ANO3: variants seen among roughly 807,000 people sequenced by gnomAD.
The protein encoded by ANO3 is anoctamin 3.
Under a neutral mutation model 144.8 loss-of-function variants are expected in ANO3, and 99 were observed. That is an observed-to-expected ratio of 0.68 (90% confidence interval 0.58 to 0.81). The LOEUF is 0.81. Among genes scored for constraint, ANO3 ranks in the 30% least tolerant of loss-of-function variants. ANO3 has a pLI of 0.00. For missense variants in ANO3, 905 were observed against 1,202.2 expected, an observed-to-expected ratio of 0.75 and a Z score of 3.66; for synonymous variants, 414 against 392.6, an observed-to-expected ratio of 1.05 and a Z score of -0.64.
At chr11:26,433,952 G>A (rs570530957) in intron 1 of ANO3, among the ~76,000 whole-genome samples, 1 of 152,212 alleles carries the variant, frequency 6.6e-6, no homozygotes, top group East Asian at 1.9e-4. Flanking sequence ...TCAATTTTTT[G>A]ATAGTTTCAG....
intron 1 of ANO3, among the ~76,000 whole-genome samples, chr11:26,332,819 C>T (rs1258020515): frequency 6.6e-6 from 1 of 152,098 alleles, no homozygotes; most frequent in African/African-American, 2.4e-5. Flanking sequence ...CTGTCACTTC[C>T]TTGGGAAAAT....
At chr11:26,325,924 A>T (rs1402472091) in intron 1 of ANO3, among the ~76,000 whole-genome samples, 1 of 152,166 alleles carries the variant, frequency 6.6e-6, no homozygotes, top group Admixed American at 6.5e-5. Context: ...CCTAGATCCA[A>T]GGAGGCAAAC....
rs373560761 is a variant in ANO3 at position 26,525,720 on chromosome 11, G to A, written c.737+41G>A. 1.3e-4 allele frequency: 201 copies of A among 1,521,662 alleles called. 1 individual carries two copies. The highest frequency in any genetic ancestry group is 5.1e-4 in the Middle Eastern group (3 of 5,850). The allele number at this position is 1,521,662 out of a possible 1,614,324, so 94.3% of individuals were successfully genotyped here. ...ATCATTTCTTTATAACAAATTTGTC[G>A]TTTTGAAAAAAATAAGAAGATATTT... On this transcript the variant is annotated intron_variant, in intron 7 of 26. Transcript: ENST00000256737.
Position 26,659,887 on chromosome 11 carries a change from T to C in ANO3, c.2764-375T>C, listed in dbSNP as rs998603085. On this transcript the variant is annotated intron_variant, in intron 26 of 26. Transcript: ENST00000256737. ...TCTATGTGGTTTACATGATATGTGTTATGATCTATTGGACATGGGTTCTCC... is the reference window on the plus strand; with the variant it reads ...TCTATGTGGTTTACATGATATGTGTCATGATCTATTGGACATGGGTTCTCC... Among the ~76,000 whole-genome samples the C allele has an allele frequency of 4.6e-5, 7 of 152,166 alleles. No individual in the cohort carries two copies. In the East Asian group the frequency reaches 1.3e-3, roughly 29 times the overall value.
chr11:26,226,604 C>A (rs79393495), intron 1 of ANO3, among the ~76,000 whole-genome samples: 2,957 of 152,148 alleles, frequency 0.019, 55 homozygotes, highest in South Asian at 0.042. Context: ...CTTAATACTG[C>A]ATCATGGGCA....
chr11:26,622,981 C>T (rs1370413267), intron 17 of ANO3, among the ~76,000 whole-genome samples: 2 of 152,038 alleles, frequency 1.3e-5, no homozygotes, highest in Non-Finnish European at 2.9e-5. Context: ...CCTTGGAGAC[C>T]CTGCTATGAT....
intron 1 of ANO3, among the ~76,000 whole-genome samples, chr11:26,419,656 A>G (rs1280787371): frequency 1.3e-5 from 2 of 152,098 alleles, no homozygotes; most frequent in Non-Finnish European, 2.9e-5. Context: ...TATAAACTGG[A>G]GAGGCCATAT....
chr11:26,432,250 G>A (rs1002165271), intron 1 of ANO3, among the ~76,000 whole-genome samples: 2 of 152,010 alleles, frequency 1.3e-5, no homozygotes, highest in Non-Finnish European at 2.9e-5. Flanking sequence ...AGTTTTTAAT[G>A]GGGGTATTTG....
intron 1 of ANO3, among the ~76,000 whole-genome samples, chr11:26,426,318 T>C (rs915490396): frequency 6.6e-6 from 1 of 152,082 alleles, no homozygotes; most frequent in South Asian, 2.1e-4. Flanking sequence ...GTATCTGGAG[T>C]TGGCCAAGGC....
intron 12 of ANO3, among the ~76,000 whole-genome samples, chr11:26,549,185 G>C (rs1288848581): frequency 6.6e-6 from 1 of 151,892 alleles, no homozygotes; most frequent in African/African-American, 2.4e-5. Flanking sequence ...CTTTTTGTAT[G>C]AGATAATTAT....
chr11:26,233,216 C>CAA (rs56234101), intron 1 of ANO3, among the ~76,000 whole-genome samples: 42,708 of 118,010 alleles, frequency 0.36, 7,387 homozygotes, highest in Non-Finnish European at 0.43. Context: ...GACTCCGTCT[C>CAA]AAAAAAAAAA....
At chr11:26,606,215 C>T (rs111794852) in intron 17 of ANO3, among the ~76,000 whole-genome samples, 23,521 of 151,050 alleles carry the variant, frequency 0.16, 2,100 homozygotes, top group East Asian at 0.33. Context: ...ATTCAGTTCA[C>T]TTTCTATGTA....
chr11:26,240,328 T>A (rs1852635559), intron 1 of ANO3, among the ~76,000 whole-genome samples: 1 of 152,196 alleles, frequency 6.6e-6, no homozygotes, highest in South Asian at 2.1e-4. Flanking sequence ...TGCATAAAAT[T>A]GCAATTAAAG....
chr11:26,242,232 C>A (rs529226206), intron 1 of ANO3, among the ~76,000 whole-genome samples: 2 of 152,288 alleles, frequency 1.3e-5, no homozygotes, highest in South Asian at 4.1e-4. Context: ...TTCTGTCTTT[C>A]ACTCTTCTCT....
At chr11:26,648,798 C>T (rs1016419195) in intron 24 of ANO3, among the ~76,000 whole-genome samples, 5 of 152,200 alleles carry the variant, frequency 3.3e-5, no homozygotes, top group African/African-American at 1.2e-4. Flanking sequence ...GAAGCTGCTT[C>T]TCCTGCTTCC....
chr11:26,657,000 T>G (rs967791249), intron 26 of ANO3, among the ~76,000 whole-genome samples: 3 of 152,172 alleles, frequency 2.0e-5, no homozygotes, highest in Non-Finnish European at 4.4e-5. Context: ...ATTGTAATCC[T>G]GTGAAGAAAT....
chr11:26,238,067 T>A (rs1852574549), intron 1 of ANO3, among the ~76,000 whole-genome samples: 1 of 152,114 alleles, frequency 6.6e-6, no homozygotes, highest in Non-Finnish European at 1.5e-5. Context: ...GTTCACAGAA[T>A]CTTTTTATCT....
chr11:26,430,158 G>A (rs1258172724), intron 1 of ANO3, among the ~76,000 whole-genome samples: 2 of 152,000 alleles, frequency 1.3e-5, no homozygotes. Flanking sequence ...CTACTCGAGA[G>A]GGTGAGGTAG....
At chr11:26,572,852 A>C (rs1308633227) in intron 14 of ANO3, among the ~76,000 whole-genome samples, 1 of 152,106 alleles carries the variant, frequency 6.6e-6, no homozygotes, top group East Asian at 1.9e-4. Flanking sequence ...TGTGATCCTC[A>C]CTTATCCTAG....
Sources: allele counts gnomAD v4.1 joint callset (sites outside exome capture counted in the v4.1 genomes callset), GRCh38; gene constraint gnomAD v4.1.1; transcripts MANE v1.5; gene names NCBI Gene and HGNC (gene_info 2026-07-23, HGNC 2026-07-21).